Variants in RPL36 observed in about 807,000 individuals in gnomAD.
RPL36 encodes the protein large ribosomal subunit protein eL36.
For synonymous variants in RPL36, 74 were observed against 56.0 expected (o/e 1.32, Z -1.44); for missense variants, 131 against 144.9 (o/e 0.90, Z 0.49).
At chr19:5,690,712 G>T (rs1277116379) in intron 2 of RPL36, 112 bp downstream of exon 2, 17 of 860,510 alleles carry the variant, frequency 2.0e-5, no homozygotes, top group South Asian at 1.9e-4. Flanking sequence ...CAGAACTAAG[G>T]GGGGCTTGAA....
In RPL36 at chr19:5,691,480, C is replaced by T. The variant is rs777179196; in HGVS notation, c.228+27C>T. On this transcript the variant is annotated intron_variant, in intron 3 of 3. Coordinates refer to ENST00000347512, the MANE Select transcript of RPL36 (RefSeq NM_033643.3). ...TAGGTGGGCGCTGCCGGCCGAGGGG[C>T]GGGGTGGGATGGGAGTCAGGGCCGG... The T allele has an allele frequency of 1.4e-5, 17 of 1,238,430 alleles. No homozygotes were observed. In the East Asian group the frequency reaches 2.8e-4, roughly 21 times the overall value. The allele number at this position is 1,238,430 out of a possible 1,614,324, so 76.7% of individuals were successfully genotyped here. A position where few individuals can be genotyped will look rare whatever the true frequency, so the allele number is the denominator to read the frequency against.
At position 5,690,300 on chromosome 19, in the gene RPL36, C is replaced by T. The variant is rs531444616; in HGVS notation, c.-30C>T. 20 of 614,068 alleles carry T rather than the reference C, an allele frequency of 3.3e-5. No individual in the cohort carries two copies. The highest frequency in any genetic ancestry group is 1.3e-4 in the African/African-American group (7 of 54,842). 38.0% of individuals were successfully genotyped at this position (614,068 alleles called of 1,614,324 possible). A position where few individuals can be genotyped will look rare whatever the true frequency, so the allele number is the denominator to read the frequency against. ...GAGTTCCGCGCGGCGCCAGCCCTTC[C>T]GCCACGGCCGTCTCTGGAGAGCAGC... is the stretch of plus-strand genomic sequence containing the variant. On this transcript the variant is annotated 5_prime_UTR_variant, in exon 1 of 4. Coordinates refer to ENST00000347512, the MANE Select transcript of RPL36 (RefSeq NM_033643.3).
Position 5,691,863 on chromosome 19 carries a change from C to A in RPL36, c.*242C>A, listed in dbSNP as rs886203512. 2 of 818,780 alleles carry A rather than the reference C, an allele frequency of 2.4e-6. No individual in the cohort carries two copies. Among genetic ancestry groups the A allele is most frequent in the South Asian group, 3.5e-5 (2 of 57,082 alleles). The allele number at this position is 818,780 out of a possible 1,614,324, so 50.7% of individuals were successfully genotyped here. ...GCAAATGACTTTAATCATTAAATAG[C>A]TTCTATGCCACACTCTGATTAAGCC... On this transcript the variant is annotated 3_prime_UTR_variant, in exon 4 of 4. Transcript: ENST00000347512.
In RPL36 at chr19:5,691,314, C is replaced by T. The variant is rs202040140; in HGVS notation, c.94-5C>T. 11 of 1,609,206 alleles carry T rather than the reference C, an allele frequency of 6.8e-6. No homozygotes were observed. Among genetic ancestry groups the T allele is most frequent in the South Asian group, 4.4e-5 (4 of 90,956 alleles). ...TACCCTGACGGCCGCCCCTTTCCCC[C>T]CTAGCGTCTGACCAAACACACCAAG... On this transcript the variant is annotated splice_polypyrimidine_tract_variant and splice_region_variant and intron_variant, in intron 2 of 3. Coordinates refer to ENST00000347512, the MANE Select transcript of RPL36 (RefSeq NM_033643.3).
chr19:5,691,279 G>C (rs1444509338), intron 2 of RPL36, 40 bp from the exon 3 acceptor site: 2 of 1,611,646 alleles, frequency 1.2e-6, no homozygotes, highest in Non-Finnish European at 1.7e-6. Context: ...CTAGAATGCA[G>C]GGATCCCCCT....
At position 5,690,500 on chromosome 19, in the gene RPL36, C is replaced by T. The variant is rs1417375295; in HGVS notation, c.-2-6C>T. 1.9e-6 allele frequency: 3 copies of T among 1,552,876 alleles called. No individual in the cohort carries two copies. Among genetic ancestry groups the T allele is most frequent in the Admixed American group, 2.0e-5 (1 of 51,206 alleles). Reference sequence around the variant, plus strand: ...CTCCGCCCCTTCTCCCCGTCGCTGTCCGCAGCCATGGCCCTACGCTACCCT... The same window carrying T: ...CTCCGCCCCTTCTCCCCGTCGCTGTTCGCAGCCATGGCCCTACGCTACCCT... On this transcript the variant is annotated splice_polypyrimidine_tract_variant and splice_region_variant and intron_variant, in intron 1 of 3. Coordinates refer to ENST00000347512, the MANE Select transcript of RPL36 (RefSeq NM_033643.3).
chr19:5,690,305 C>A lies in RPL36; in HGVS notation c.-25C>A. The A allele has an allele frequency of 3.2e-6, 2 of 617,032 alleles. No individual in the cohort carries two copies. The highest frequency in any genetic ancestry group is 3.7e-5 in the South Asian group (2 of 54,710). 38.2% of individuals were successfully genotyped at this position (617,032 alleles called of 1,614,324 possible). A position where few individuals can be genotyped will look rare whatever the true frequency, so the allele number is the denominator to read the frequency against. On this transcript the variant is annotated 5_prime_UTR_variant, in exon 1 of 4. Transcript: ENST00000347512. ...CCGCGCGGCGCCAGCCCTTCCGCCA[C>A]GGCCGTCTCTGGAGAGCAGCAGGTA...
Position 5,691,299 on chromosome 19 carries a change from G to T in RPL36, c.94-20G>T. 1.2e-6 allele frequency: 2 copies of T among 1,612,210 alleles called. No homozygotes were observed. The highest frequency in any genetic ancestry group is 1.7e-6 in the Non-Finnish European group (2 of 1,179,992). On this transcript the variant is annotated intron_variant, in intron 2 of 3. Transcript: ENST00000347512. ...ATGCAGGGATCCCCCTACCCTGACG[G>T]CCGCCCCTTTCCCCCCTAGCGTCTG...
rs766634424 is a variant in RPL36, at chr19:5,690,313, T to C, written c.-17T>C. The C allele has an allele frequency of 3.0e-5, 19 of 634,032 alleles. No homozygotes were observed. Among genetic ancestry groups the C allele is most frequent in the East Asian group, 1.7e-4 (6 of 36,218 alleles). The allele number at this position is 634,032 out of a possible 1,614,324, so 39.3% of individuals were successfully genotyped here. A position where few individuals can be genotyped will look rare whatever the true frequency, so the allele number is the denominator to read the frequency against. On this transcript the variant is annotated 5_prime_UTR_variant, in exon 1 of 4. Coordinates refer to ENST00000347512, the MANE Select transcript of RPL36 (RefSeq NM_033643.3). ...CGCCAGCCCTTCCGCCACGGCCGTC[T>C]CTGGAGAGCAGCAGGTAAGTGGTTT...
At chr19:5,691,179 G>A in intron 2 of RPL36, 140 bp from the exon 3 acceptor site, 4 of 1,272,126 alleles carry the variant, frequency 3.1e-6, no homozygotes, top group African/African-American at 1.5e-5. Context: ...GGCGAAAAGC[G>A]CTAGGCGTTA....
Position 5,691,846 on chromosome 19 carries a change from C to T in RPL36, c.*225C>T. 1.2e-6 allele frequency: 1 copy of T among 814,134 alleles called. No individual in the cohort carries two copies. Among genetic ancestry groups the T allele is most frequent in the Non-Finnish European group, 1.9e-6 (1 of 524,848 alleles). The allele number at this position is 814,134 out of a possible 1,614,324, so 50.4% of individuals were successfully genotyped here. On this transcript the variant is annotated 3_prime_UTR_variant, in exon 4 of 4. Transcript: ENST00000347512. ...GAGGAAGCCGCCGTACTGCAAATGA[C>T]TTTAATCATTAAATAGCTTCTATGC...
Position 5,691,542 on chromosome 19 carries a change from A to C in RPL36, c.239A>C (p.His80Pro). Residue 80 changes from histidine (H) to proline (P), a missense_variant, in exon 4 of 4, where the codon CAC (histidine) becomes CCC (proline). Physicochemically the swap from His to Pro is moderately conservative, Grantham distance 77. Coordinates refer to ENST00000347512, the MANE Select transcript of RPL36 (RefSeq NM_033643.3). ...CCTCGTCCCTGGCAGGTGGGGACGC[A>C]CATCCGCGCCAAGAGGAAGCGGGAG... Reference protein sequence around the residue: ...LKFIKKRVGTHIRAKRKREEL... With the variant: ...LKFIKKRVGTPIRAKRKREEL... 1 of 1,611,994 alleles carries C rather than the reference A, an allele frequency of 6.2e-7. No homozygotes were observed. The highest frequency in any genetic ancestry group is 8.5e-7 in the Non-Finnish European group (1 of 1,179,894).
intron 2 of RPL36, chr19:5,691,012 A>G: frequency 1.8e-6 from 1 of 545,180 alleles, no homozygotes; most frequent in South Asian, 2.1e-5. Context: ...GAGTTCGCTC[A>G]TGGAGCTGGC....
At chr19:5,691,236 G>C in intron 2 of RPL36, 83 bp from the exon 3 acceptor site, 27 of 1,597,212 alleles carry the variant, frequency 1.7e-5, no homozygotes, top group Non-Finnish European at 2.1e-5. Flanking sequence ...AAGTAGCCAG[G>C]GAAATCGCGG....
chr19:5,690,775 G>A, intron 2 of RPL36, 175 bp downstream of exon 2: 1 of 646,138 alleles, frequency 1.5e-6, no homozygotes, highest in Non-Finnish European at 2.8e-6. Flanking sequence ...TCGAAGGCGG[G>A]CACCCATCTG....
At chr19:5,690,648 G>A in intron 2 of RPL36, 48 bp downstream of exon 2, 1 of 1,435,136 alleles carries the variant, frequency 7.0e-7, no homozygotes, top group Non-Finnish European at 9.6e-7. Flanking sequence ...CTTGGAGGGC[G>A]GAGGGCATGG....
At chr19:5,690,653 G>A in intron 2 of RPL36, 53 bp downstream of exon 2, 2 of 1,415,170 alleles carry the variant, frequency 1.4e-6, no homozygotes, top group Non-Finnish European at 9.8e-7. Flanking sequence ...AGGGCGGAGG[G>A]CATGGCTTGG....
intron 2 of RPL36, 70 bp downstream of exon 2, chr19:5,690,670 G>C: frequency 7.8e-7 from 1 of 1,274,068 alleles, no homozygotes; most frequent in Non-Finnish European, 1.1e-6. Context: ...TTGGGCAAAG[G>C]CTCTCGACCT....
At position 5,691,808 on chromosome 19, in the gene RPL36, C is replaced by A. The variant is rs574039528; in HGVS notation, c.*187C>A. On this transcript the variant is annotated 3_prime_UTR_variant, in exon 4 of 4. Transcript: ENST00000347512. ...AAAGCCGTGGCCCGCCCACCCTTCCCGGGGCAGCAGGTGAGGAAGCCGCCG... is the reference window on the plus strand; with the variant it reads ...AAAGCCGTGGCCCGCCCACCCTTCCAGGGGCAGCAGGTGAGGAAGCCGCCG... The A allele has an allele frequency of 2.3e-5, 19 of 829,218 alleles. No individual in the cohort carries two copies. The highest frequency in any genetic ancestry group is 1.3e-4 in the South Asian group (8 of 59,886). The allele number at this position is 829,218 out of a possible 1,614,324, so 51.4% of individuals were successfully genotyped here.
Sources: gnomAD v4.1 joint callset for allele counts on GRCh38, gnomAD v4.1.1 for gene constraint, MANE v1.5 for transcripts, NCBI Gene and HGNC (gene_info 2026-07-23, HGNC 2026-07-21) for gene names.